NAIF1: variants seen among roughly 807,000 people sequenced by gnomAD.
NAIF1 encodes the protein nuclear apoptosis inducing factor 1, also known as nuclear apoptosis-inducing factor 1.
NAIF1 carries 14 observed loss-of-function variants against 20.7 expected under a neutral mutation model. The observed-to-expected ratio is 0.67, with a 90% CI of 0.45 to 1.05. The LOEUF (loss-of-function observed/expected upper bound fraction) is 1.05, where lower values mean the gene tolerates loss of function less well. Among genes scored for constraint, NAIF1 ranks in the 50% least tolerant of loss-of-function variants. NAIF1 has a pLI of 0.00. For synonymous variants in NAIF1, 191 were observed against 191.4 expected (o/e 1.00, Z 0.02); for missense variants, 362 against 448.8 (o/e 0.81, Z 1.75).
chr9:128,067,102 G>A lies in NAIF1; in HGVS notation c.-1C>T. On this transcript the variant is annotated 5_prime_UTR_variant, in exon 1 of 2. Coordinates refer to ENST00000373078, the MANE Select transcript of NAIF1 (RefSeq NM_197956.4). ...TCCTTTTCTTGGCTGGGACGGCCATGGCCTCTCCCCTCCCCTCTTTTTAAA... is the reference window on the plus strand; with the variant it reads ...TCCTTTTCTTGGCTGGGACGGCCATAGCCTCTCCCCTCCCCTCTTTTTAAA... 2 of 1,591,416 alleles carry A rather than the reference G, an allele frequency of 1.3e-6. No homozygotes were observed. The highest frequency in any genetic ancestry group is 3.4e-5 in the Admixed American group (2 of 58,690).
At chr9:128,064,716 C>A (rs1385366650) in intron 1 of NAIF1, among the ~76,000 whole-genome samples, 1 of 151,942 alleles carries the variant, frequency 6.6e-6, no homozygotes, top group South Asian at 2.1e-4. Flanking sequence ...AAGAAAGGCA[C>A]CCCCGGCCGG....
chr9:128,063,969 G>T lies in NAIF1; in HGVS notation c.512-69C>A. 1 of 1,411,226 alleles carries T rather than the reference G, an allele frequency of 7.1e-7. No individual in the cohort carries two copies. The highest frequency in any genetic ancestry group is 9.7e-7 in the Non-Finnish European group (1 of 1,034,088). 87.4% of individuals were successfully genotyped at this position (1,411,226 alleles called of 1,614,324 possible). On this transcript the variant is annotated intron_variant, in intron 1 of 1. Coordinates refer to ENST00000373078, the MANE Select transcript of NAIF1 (RefSeq NM_197956.4). The surrounding 1 kb of genome is among the most constrained non-coding windows in gnomAD (Gnocchi z 4.3). The stretch of plus-strand genomic sequence containing the variant: ...GAAGGAATAAAGCTGGCTGTATGGG[G>T]TGGGGAGGAGGCCATAAAGTCCTGT...
At position 128,066,776 on chromosome 9, in the gene NAIF1, G is replaced by A; in HGVS notation, c.326C>T (p.Thr109Ile). Residue 109 changes from threonine (T) to isoleucine (I), a missense_variant, in exon 1 of 2, where the codon ACA becomes ATA. By Grantham distance (89) the Thr-to-Ile change is moderately conservative. This residue lies in a region of NAIF1 where 300 missense variants were observed against 342.7 expected (regional missense o/e 0.88). Transcript: ENST00000373078. ...TEEDGAGGPG[T>I]GGGSGGGGPA... The stretch of plus-strand genomic sequence containing the variant: ...GCCACCGCCACCACTGCCACCGCCT[G>A]TCCCAGGCCCCCCAGCTCCGTCCTC... The A allele has an allele frequency of 3.7e-6, 6 of 1,609,938 alleles. No homozygotes were observed. Among genetic ancestry groups the A allele is most frequent in the Non-Finnish European group, 5.1e-6 (6 of 1,177,626 alleles).
At position 128,063,578 on chromosome 9, in the gene NAIF1, T is replaced by C. The variant is rs1469491651; in HGVS notation, c.834A>G (p.Thr278=). Residue 278 remains threonine (T), a synonymous_variant, in exon 2 of 2, where the codon ACA becomes ACG. Transcript: ENST00000373078. The surrounding 1 kb of genome is among the most constrained non-coding windows in gnomAD (Gnocchi z 4.3). ...GGATGAGGACGCTCAGGGCAGCCTG[T>C]GTGCCCTCCATGGCCTGGGCCTGGC... ...QERQAQAMEG[T]QAALSVLIQV... is the part of the protein sequence containing the mutation. The C allele has an allele frequency of 6.2e-7, 1 of 1,612,644 alleles. No homozygotes were observed. Among genetic ancestry groups the C allele is most frequent in the Admixed American group, 1.7e-5 (1 of 60,038 alleles).
In NAIF1 at chr9:128,067,285, C is replaced by T. The variant is rs7852659; in HGVS notation, c.-184G>A. The T allele has an allele frequency of 0.76, 502,810 of 659,714 alleles. 196,450 individuals are homozygous for T. The highest frequency in any genetic ancestry group is 0.81 in the Non-Finnish European group (337,866 of 414,684). The allele number at this position is 659,714 out of a possible 1,614,324, so 40.9% of individuals were successfully genotyped here. On this transcript the variant is annotated 5_prime_UTR_variant, in exon 1 of 2. Coordinates refer to ENST00000373078, the MANE Select transcript of NAIF1 (RefSeq NM_197956.4). ...TACGCAAAGTGCGTAGGGCCCAGCC[C>T]CGACCGGCCCGGCCGCTGCCAGCCA...
rs747701854 is a variant in NAIF1, at chr9:128,066,754, A to G, written c.348T>C (p.Gly116=). 1.9e-6 allele frequency: 3 copies of G among 1,607,200 alleles called. No homozygotes were observed. Among genetic ancestry groups the G allele is most frequent in the Non-Finnish European group, 8.5e-7 (1 of 1,176,848 alleles). Residue 116 remains glycine, a synonymous_variant, in exon 1 of 2, where the codon GGT becomes GGC. Transcript: ENST00000373078. ...GPGTGGGSGG[G]GPAVAPVLLT... is the part of the protein sequence containing the mutation. ...GCAGCACTGGGGCTACAGCTGGGCCACCGCCACCACTGCCACCGCCTGTCC... is the reference window on the plus strand; with the variant it reads ...GCAGCACTGGGGCTACAGCTGGGCCGCCGCCACCACTGCCACCGCCTGTCC...
chr9:128,067,012 C>T lies in NAIF1; in HGVS notation c.90G>A (p.Leu30=), dbSNP rs1312425180. Residue 30 remains leucine, a synonymous_variant, in exon 1 of 2, where the codon CTG becomes CTA. Coordinates refer to ENST00000373078, the MANE Select transcript of NAIF1 (RefSeq NM_197956.4). ...IVEELELKKH[L]LVNHFNAGVP... Reference sequence around the variant, plus strand: ...CCCCGGCGTTGAAGTGGTTCACCAGCAGGTGCTTCTTCAGCTCCAGCTCCT... The same window carrying T: ...CCCCGGCGTTGAAGTGGTTCACCAGTAGGTGCTTCTTCAGCTCCAGCTCCT... 5 of 1,613,964 alleles carry T rather than the reference C, an allele frequency of 3.1e-6. No individual in the cohort carries two copies. The East Asian group carries it at 1.1e-4, about 36-fold the overall frequency.
Position 128,067,314 on chromosome 9 carries a change from G to C in NAIF1, c.-213C>G. ...CCGGCCCGGCCGCTGCCAGCCAGCA[G>C]CGTAATGGCTTCCTGAATCTGCCTC... On this transcript the variant is annotated 5_prime_UTR_variant, in exon 1 of 2. Transcript: ENST00000373078. 6.0e-6 allele frequency: 3 copies of C among 502,042 alleles called. No homozygotes were observed. Among genetic ancestry groups the C allele is most frequent in the Non-Finnish European group, 1.0e-5 (3 of 290,184 alleles). The allele number at this position is 502,042 out of a possible 1,614,324, so 31.1% of individuals were successfully genotyped here.
intron 1 of NAIF1, among the ~76,000 whole-genome samples, chr9:128,064,298 G>A (rs569170657): frequency 5.3e-5 from 8 of 151,462 alleles, no homozygotes; most frequent in South Asian, 4.2e-4. Flanking sequence ...CCGTGGTCTC[G>A]ATCTCCTGAC....
chr9:128,066,827 C>T lies in NAIF1; in HGVS notation c.275G>A (p.Gly92Asp). Residue 92 changes from glycine to aspartate, a missense_variant, in exon 1 of 2, where the codon GGT (glycine) becomes GAT (aspartate). By Grantham distance (94) the Gly-to-Asp change is moderately conservative. Around this residue, in one of 3 missense-constraint regions of NAIF1, gnomAD observed 300 missense variants for 342.7 expected, o/e 0.88. Coordinates refer to ENST00000373078, the MANE Select transcript of NAIF1 (RefSeq NM_197956.4). ...CTCAGTGGGCCCCGGCGCCTCACCA[C>T]CCTCCACGGCGGCCCGGACCTGGGC... The part of the protein sequence containing the change: ...KVAQVRAAVE[G>D]GEAPGPTEED... 2.5e-6 allele frequency: 4 copies of T among 1,611,698 alleles called. No homozygotes were observed. Among genetic ancestry groups the T allele is most frequent in the Non-Finnish European group, 3.4e-6 (4 of 1,179,266 alleles).
Position 128,062,982 on chromosome 9 carries a change from ATAT to A in NAIF1, c.*443_*445del, listed in dbSNP as rs760147695. ...TCACACTACCTCCCAAAGGAGGAAGATATTATTGCTCAACTGCCAGCATCAGTG... is the reference window on the plus strand; with the variant it reads ...TCACACTACCTCCCAAAGGAGGAAGATATTGCTCAACTGCCAGCATCAGTG... On this transcript the variant is annotated 3_prime_UTR_variant, in exon 2 of 2. Transcript: ENST00000373078. 87 of 184,262 alleles carry A rather than the reference ATAT, an allele frequency of 4.7e-4. No individual in the cohort carries two copies. Among genetic ancestry groups the A allele is most frequent in the Non-Finnish European group, 6.7e-4 (57 of 85,580 alleles). 11.4% of individuals were successfully genotyped at this position (184,262 alleles called of 1,614,324 possible).
At position 128,067,058 on chromosome 9, in the gene NAIF1, C is replaced by G. The variant is rs548962644; in HGVS notation, c.44G>C (p.Arg15Pro). ...CTCCTCCACGATGATCTCCACCTCC[C>G]GCTCTGAGAAGTTCATCTTCCTTTT... is the stretch of plus-strand genomic sequence containing the variant. ...AKKRKMNFSE[R>P]EVEIIVEELE... Residue 15 changes from arginine (R) to proline (P), a missense_variant, in exon 1 of 2, where the codon CGG becomes CCG. Transcript: ENST00000373078. 13 of 1,610,418 alleles carry G rather than the reference C, an allele frequency of 8.1e-6. No homozygotes were observed. The highest frequency in any genetic ancestry group is 1.1e-5 in the South Asian group (1 of 90,994).
rs1297477016 is a variant in NAIF1 at position 128,061,587 on chromosome 9, C to T, written c.*1841G>A. The T allele has an allele frequency of 2.0e-5, 3 of 152,240 alleles. No individual in the cohort carries two copies. The highest frequency in any genetic ancestry group is 7.2e-5 in the African/African-American group (3 of 41,458). The allele number at this position is 152,240 out of a possible 1,614,324, so 9.4% of individuals were successfully genotyped here. A position where few individuals can be genotyped will look rare whatever the true frequency, so the allele number is the denominator to read the frequency against. On this transcript the variant is annotated 3_prime_UTR_variant, in exon 2 of 2. Transcript: ENST00000373078. ...TGCCTCCACAGAGAGGCTGACAGTA[C>T]AGCAGTCACCTCCCAGCTGTCTTCG...
chr9:128,066,241 T>G (rs562172445), intron 1 of NAIF1: 1 of 270,590 alleles, frequency 3.7e-6, no homozygotes, highest in South Asian at 1.6e-4. Context: ...AAATATGGCC[T>G]GGCTGTCTAC....
chr9:128,063,613 C>A lies in NAIF1; in HGVS notation c.799G>T (p.Ala267Ser). 2 of 1,613,630 alleles carry A rather than the reference C, an allele frequency of 1.2e-6. No homozygotes were observed. Among genetic ancestry groups the A allele is most frequent in the Non-Finnish European group, 1.7e-6 (2 of 1,180,044 alleles). ...IRRSQEVQACAQERQAQAMEG... is the reference protein window; with the variant it reads ...IRRSQEVQACSQERQAQAMEG... ...ATGGCCTGGGCCTGGCGCTCCTGGG[C>A]ACAGGCCTGCACTTCCTGGGAGCGG... Residue 267 changes from alanine to serine, a missense_variant, in exon 2 of 2, where the codon GCC (alanine) becomes TCC (serine). Physicochemically the swap from Ala to Ser is moderately conservative, Grantham distance 99. Coordinates refer to ENST00000373078, the MANE Select transcript of NAIF1 (RefSeq NM_197956.4). This position sits in a 1 kb window ranked among gnomAD's most constrained non-coding sequence, Gnocchi z 4.3.
chr9:128,066,658 T>C lies in NAIF1; in HGVS notation c.444A>G (p.Thr148=). Residue 148 remains threonine (T), a synonymous_variant, in exon 1 of 2, where the codon ACA becomes ACG. Transcript: ENST00000373078. ...GTCCGAGGGCCACAGGGTGGATCTC[T>C]GTGGTGCTGGGCAGGCTGATGATGG... ...EATIISLPST[T]EIHPVALGPS... The C allele has an allele frequency of 1.3e-6, 2 of 1,583,742 alleles. No homozygotes were observed. Among genetic ancestry groups the C allele is most frequent in the Non-Finnish European group, 1.7e-6 (2 of 1,164,230 alleles).
Position 128,066,637 on chromosome 9 carries a change from G to C in NAIF1, c.465C>G (p.Leu155=), listed in dbSNP as rs887126439. ...CTGCGGCTGCGGTGGCCGAGGGTCC[G>C]AGGGCCACAGGGTGGATCTCTGTGG... is the stretch of plus-strand genomic sequence containing the variant. ...PSTTEIHPVA[L]GPSATAAAAT... is the part of the protein sequence containing the mutation. The change falls in exon 1 of 2, where the codon CTC becomes CTG. Residue 155 remains leucine, a synonymous_variant. Transcript: ENST00000373078. The C allele has an allele frequency of 3.9e-6, 6 of 1,543,946 alleles. No homozygotes were observed. The highest frequency in any genetic ancestry group is 4.0e-5 in the Admixed American group (2 of 50,472).
chr9:128,061,826 T>C lies in NAIF1; in HGVS notation c.*1602A>G, dbSNP rs1832721391. Reference sequence around the variant, plus strand: ...AAGGGCCTTGGTAATTGATGGTGAGTCTGAAAATGAAACAGACAAATGGCA... The same window carrying C: ...AAGGGCCTTGGTAATTGATGGTGAGCCTGAAAATGAAACAGACAAATGGCA... On this transcript the variant is annotated 3_prime_UTR_variant, in exon 2 of 2. Transcript: ENST00000373078. The C allele has an allele frequency of 1.3e-5, 2 of 152,038 alleles. No homozygotes were observed. Among genetic ancestry groups the C allele is most frequent in the African/African-American group, 4.8e-5 (2 of 41,362 alleles). 9.4% of individuals were successfully genotyped at this position (152,038 alleles called of 1,614,324 possible).
At position 128,062,826 on chromosome 9, in the gene NAIF1, G is replaced by C. The variant is rs780905065; in HGVS notation, c.*602C>G. Reference sequence around the variant, plus strand: ...GCTGCACACTGCATGTATTACGGAGGCGTCCCAGCACACTACCTAACAAGG... The same window carrying C: ...GCTGCACACTGCATGTATTACGGAGCCGTCCCAGCACACTACCTAACAAGG... On this transcript the variant is annotated 3_prime_UTR_variant, in exon 2 of 2. Transcript: ENST00000373078. The C allele has an allele frequency of 1.3e-5, 2 of 157,510 alleles. No individual in the cohort carries two copies. Among genetic ancestry groups the C allele is most frequent in the Non-Finnish European group, 2.8e-5 (2 of 70,878 alleles). 9.8% of individuals were successfully genotyped at this position (157,510 alleles called of 1,614,324 possible).
Sources: allele counts gnomAD v4.1 joint callset (sites outside exome capture counted in the v4.1 genomes callset), GRCh38; gene constraint gnomAD v4.1.1; regional missense constraint gnomAD v4.1.1; non-coding constraint Gnocchi (gnomAD v3.1); transcripts MANE v1.5; gene names NCBI Gene and HGNC (gene_info 2026-07-23, HGNC 2026-07-21).